Variants in SLC43A3 observed in about 807,000 individuals in gnomAD.
The protein encoded by SLC43A3 is solute carrier family 43 member 3.
SLC43A3 carries 33 observed loss-of-function variants against 53.3 expected under a neutral mutation model. The observed-to-expected ratio is 0.62, with a 90% CI of 0.47 to 0.83. The LOEUF (loss-of-function observed/expected upper bound fraction) is 0.83, where lower values mean the gene tolerates loss of function less well. SLC43A3 is among the 40% of genes least tolerant of loss of function. The pLI is 0.00. For missense variants in SLC43A3, 530 were observed against 610.0 expected (o/e 0.87, Z 1.38); for synonymous variants, 236 against 246.2 (o/e 0.96, Z 0.39).
intron 13 of SLC43A3, chr11:57,408,192 G>T: frequency 3.3e-6 from 1 of 301,352 alleles, no homozygotes; most frequent in Non-Finnish European, 6.3e-6. Flanking sequence ...GAAGCTGGTA[G>T]AGGCACCAGC....
At chr11:57,425,861 G>GGT in intron 3 of SLC43A3, 128 bp downstream of exon 3, 1 of 1,335,326 alleles carries the variant, frequency 7.5e-7, no homozygotes, top group South Asian at 1.3e-5. Context: ...GATCAAGTGG[G>GGT]GTGAGAGCTG....
chr11:57,412,949 C>T (rs1010621623), intron 11 of SLC43A3, among the ~76,000 whole-genome samples: 1 of 151,314 alleles, frequency 6.6e-6, no homozygotes, highest in Non-Finnish European at 1.5e-5. Context: ...ATCAGACTCG[C>T]AATGTCTAAA....
intron 9 of SLC43A3, among the ~76,000 whole-genome samples, chr11:57,416,218 G>C (rs1942711922): frequency 6.6e-6 from 1 of 152,218 alleles, no homozygotes. Context: ...GACAATAAGA[G>C]AGGGCGGACC....
intron 4 of SLC43A3, among the ~76,000 whole-genome samples, 169 bp downstream of exon 4, chr11:57,425,372 G>C (rs577026264): frequency 1.3e-5 from 2 of 152,320 alleles, no homozygotes; most frequent in East Asian, 3.9e-4. Flanking sequence ...CAAGTCTAGA[G>C]AGAGTCCCGC....
Position 57,414,694 on chromosome 11 carries a change from G to T in SLC43A3, c.981C>A (p.Phe327Leu), listed in dbSNP as rs141024414. Residue 327 changes from phenylalanine (F) to leucine (L), a missense_variant, in exon 11 of 14, where the codon TTC becomes TTA. Around this residue, in one of 3 missense-constraint regions of SLC43A3, gnomAD observed 376 missense variants for 386.7 expected, o/e 0.97. Transcript: ENST00000395124. ...TYTNAFAFTQ[F>L]GVLCAPWNGL... ...CATTCCAGGGGGCACACAGCACTCC[G>T]AACTGAGTGAAGGCAAAGGCATTTG... The T allele has an allele frequency of 9.3e-5, 150 of 1,613,926 alleles. 1 individual carries two copies. The African/African-American group carries it at 1.8e-3, about 19-fold the overall frequency.
At chr11:57,408,852 C>T (rs1446230111) in intron 13 of SLC43A3, 2 of 295,424 alleles carry the variant, frequency 6.8e-6, no homozygotes, top group South Asian at 8.1e-5. Flanking sequence ...GGTGAAAGCA[C>T]AGAGGTCCTG....
chr11:57,424,449 ACT>A, intron 4 of SLC43A3, among the ~76,000 whole-genome samples: 1 of 151,940 alleles, frequency 6.6e-6, no homozygotes, highest in African/African-American at 2.4e-5. Context: ...ACTCCTCCTC[ACT>A]CTGTGACCTT....
At chr11:57,420,852 A>G in intron 7 of SLC43A3, 120 bp downstream of exon 7, 2 of 686,656 alleles carry the variant, frequency 2.9e-6, no homozygotes, top group Non-Finnish European at 5.2e-6. Context: ...CTTCATCTGT[A>G]AAATGGGGGT....
At position 57,406,972 on chromosome 11, in the gene SLC43A3, C is replaced by A. The variant is rs1365148413; in HGVS notation, c.*820G>T. On this transcript the variant is annotated 3_prime_UTR_variant, in exon 14 of 14. Coordinates refer to ENST00000395124, the MANE Select transcript of SLC43A3 (RefSeq NM_199329.3). ...ACAGTAGTTGCCTTAGACACAGAAG[C>A]TTTATTTTTCTATAAAATTATTCCC... The A allele has an allele frequency of 2.6e-5, 4 of 152,172 alleles. No homozygotes were observed. The highest frequency in any genetic ancestry group is 4.4e-5 in the Non-Finnish European group (3 of 68,076). The allele number at this position is 152,172 out of a possible 1,614,324, so 9.4% of individuals were successfully genotyped here. A position where few individuals can be genotyped will look rare whatever the true frequency, so the allele number is the denominator to read the frequency against.
intron 12 of SLC43A3, among the ~76,000 whole-genome samples, chr11:57,409,502 C>T (rs1353528942): frequency 6.6e-6 from 1 of 152,134 alleles, no homozygotes; most frequent in Non-Finnish European, 1.5e-5. Flanking sequence ...CATGCGGGGC[C>T]CTGGAAAAAC....
At chr11:57,424,143 T>A in intron 4 of SLC43A3, 115 bp from the exon 5 acceptor site, 1 of 1,038,084 alleles carries the variant, frequency 9.6e-7, no homozygotes, top group Non-Finnish European at 1.5e-6. Context: ...ACCCTCAGCC[T>A]GGGATGCAAC....
intron 11 of SLC43A3, 107 bp downstream of exon 11, chr11:57,414,508 A>G (rs1455684594): frequency 9.7e-5 from 3 of 31,000 alleles, no homozygotes; most frequent in South Asian, 1.9e-3. Flanking sequence ...CTCTATCACA[A>G]AAAAAAAAAA....
At chr11:57,410,675 AC>A (rs984599621) in intron 11 of SLC43A3, among the ~76,000 whole-genome samples, 4 of 151,994 alleles carry the variant, frequency 2.6e-5, no homozygotes, top group Non-Finnish European at 5.9e-5. Context: ...ACAGTATACT[AC>A]CTTTTATCTA....
chr11:57,409,091 C>T, intron 13 of SLC43A3, 84 bp downstream of exon 13: 2 of 1,404,216 alleles, frequency 1.4e-6, no homozygotes, highest in Non-Finnish European at 2.0e-6. Context: ...TGCTACATAC[C>T]CAGGCCATCA....
At chr11:57,417,601 G>C in intron 8 of SLC43A3, 147 bp downstream of exon 8, 1 of 956,278 alleles carries the variant, frequency 1.0e-6, no homozygotes, top group Non-Finnish European at 1.5e-6. Context: ...AGGCTGCTGA[G>C]TTTTGAGATA....
Position 57,416,582 on chromosome 11 carries a change from C to G in SLC43A3, c.760G>C (p.Ala254Pro). 6.2e-7 allele frequency: 1 copy of G among 1,613,486 alleles called. No homozygotes were observed. Among genetic ancestry groups the G allele is most frequent in the Non-Finnish European group, 8.5e-7 (1 of 1,179,496 alleles). ...RELQSKEFLSAKEETPGAGQK... is the reference protein window; with the variant it reads ...RELQSKEFLSPKEETPGAGQK... ...AGCCAGCAGGGCTCACCTTCCTTCG[C>G]TGAAAGGAACTCCTTTGACTGTAGC... Residue 254 changes from alanine to proline, a missense_variant, in exon 9 of 14, where the codon GCG (alanine) becomes CCG (proline). Ala to Pro is a conservative substitution (Grantham distance 27). Transcript: ENST00000395124.
intron 6 of SLC43A3, 47 bp downstream of exon 6, chr11:57,421,250 C>A: frequency 1.3e-6 from 2 of 1,534,190 alleles, no homozygotes; most frequent in South Asian, 1.1e-5. Context: ...CTTCCCTCCA[C>A]CTTCCCGCCA....
chr11:57,412,494 C>A (rs1240852952), intron 11 of SLC43A3, among the ~76,000 whole-genome samples: 1 of 152,100 alleles, frequency 6.6e-6, no homozygotes, highest in Non-Finnish European at 1.5e-5. Flanking sequence ...TAGAAGAATT[C>A]TAGTGATTAA....
intron 7 of SLC43A3, 59 bp from the exon 8 acceptor site, chr11:57,417,946 C>T: frequency 6.4e-7 from 1 of 1,552,242 alleles, no homozygotes; most frequent in East Asian, 2.3e-5. Context: ...GCACTATTCA[C>T]AATAGCCAAA....
Sources: allele counts gnomAD v4.1 joint callset (sites outside exome capture counted in the v4.1 genomes callset), GRCh38; gene constraint gnomAD v4.1.1; regional missense constraint gnomAD v4.1.1; transcripts MANE v1.5; gene names NCBI Gene and HGNC (gene_info 2026-07-23, HGNC 2026-07-21).